Variants in PRKCE observed in about 807,000 individuals in gnomAD.
The protein encoded by PRKCE is protein kinase C epsilon.
PRKCE carries 16 observed loss-of-function variants against 85.4 expected under a neutral mutation model. The ratio of observed to expected loss-of-function variants is 0.19; its 90% CI spans 0.13 to 0.28. PRKCE has a LOEUF of 0.28. Ranked by LOEUF, PRKCE falls within the 10% of genes least tolerant of loss-of-function variation. The pLI, the probability that PRKCE is intolerant of heterozygous loss-of-function variation, is 1.00. For synonymous variants in PRKCE, 388 were observed against 371.5 expected (o/e 1.04, Z -0.51); for missense variants, 573 against 975.2 (o/e 0.59, Z 5.49).
chr2:45,870,715 T>A (rs924062256), intron 2 of PRKCE, among the ~76,000 whole-genome samples: 25 of 152,220 alleles, frequency 1.6e-4, no homozygotes, highest in African/African-American at 5.8e-4. Flanking sequence ...CCAGTTTCTA[T>A]CGGTTACCTT....
At chr2:45,728,218 G>A (rs929299556) in intron 1 of PRKCE, among the ~76,000 whole-genome samples, 1 of 152,228 alleles carries the variant, frequency 6.6e-6, no homozygotes, top group Non-Finnish European at 1.5e-5. Flanking sequence ...ATTAAGGGTA[G>A]TATCTGTTTT....
intron 6 of PRKCE, among the ~76,000 whole-genome samples, chr2:45,995,826 C>G (rs1244358613): frequency 6.6e-6 from 1 of 152,070 alleles, no homozygotes; most frequent in African/African-American, 2.4e-5. Context: ...TTGTGTTAGC[C>G]TTTTGCTTGG....
chr2:45,723,444 G>A (rs1680791462), intron 1 of PRKCE, among the ~76,000 whole-genome samples: 1 of 152,162 alleles, frequency 6.6e-6, no homozygotes, highest in Admixed American at 6.5e-5. Flanking sequence ...CTGGACATTA[G>A]GTTAAGTGTG....
At chr2:46,037,068 T>C (rs1315943721) in intron 10 of PRKCE, among the ~76,000 whole-genome samples, 1 of 152,156 alleles carries the variant, frequency 6.6e-6, no homozygotes, top group African/African-American at 2.4e-5. Flanking sequence ...ACACTTGGGT[T>C]CAGCCCCTTC....
intron 14 of PRKCE, among the ~76,000 whole-genome samples, chr2:46,182,259 C>T (rs1680056158): frequency 6.6e-6 from 1 of 152,146 alleles, no homozygotes; most frequent in Non-Finnish European, 1.5e-5. Flanking sequence ...GTCAGTGAAT[C>T]CCTCCCCCTT....
At chr2:46,034,139 G>A (rs780382853) in intron 10 of PRKCE, among the ~76,000 whole-genome samples, 4 of 152,272 alleles carry the variant, frequency 2.6e-5, no homozygotes, top group South Asian at 2.1e-4. Context: ...ATGTCTTGGG[G>A]CATCCCAAGA....
chr2:46,028,068 A>C (rs1035414235), intron 10 of PRKCE, among the ~76,000 whole-genome samples: 8 of 151,666 alleles, frequency 5.3e-5, no homozygotes, highest in Non-Finnish European at 8.8e-5. Flanking sequence ...CAGCCTCCCG[A>C]GTAGCTGGGA....
At chr2:45,702,619 T>A (rs1193971827) in intron 1 of PRKCE, among the ~76,000 whole-genome samples, 1 of 152,246 alleles carries the variant, frequency 6.6e-6, no homozygotes, top group Non-Finnish European at 1.5e-5. Context: ...GAATAACTAT[T>A]GATTGAGATT....
intron 9 of PRKCE, 94 bp from the exon 10 acceptor site, chr2:46,010,250 C>A: frequency 7.5e-7 from 1 of 1,331,744 alleles, no homozygotes; most frequent in Non-Finnish European, 1.0e-6. Flanking sequence ...AAAGAAAAAA[C>A]AGAATTCGTT....
At chr2:45,890,924 T>A (rs373346526) in intron 2 of PRKCE, among the ~76,000 whole-genome samples, 1 of 152,298 alleles carries the variant, frequency 6.6e-6, no homozygotes. Flanking sequence ...CATGGTCTAG[T>A]TGGACCTTGG....
At chr2:46,117,565 T>G (rs1005085570) in intron 11 of PRKCE, among the ~76,000 whole-genome samples, 6 of 152,172 alleles carry the variant, frequency 3.9e-5, no homozygotes, top group Non-Finnish European at 7.3e-5. Flanking sequence ...CCAAGCTGGG[T>G]GATTACTCAC....
Position 45,749,364 on chromosome 2 carries a change from T to C in PRKCE, c.349-93636T>C, listed in dbSNP as rs529066047. Among the ~76,000 whole-genome samples the C allele has an allele frequency of 3.9e-5, 6 of 152,334 alleles. No homozygotes were observed. In the South Asian group the frequency reaches 6.2e-4, roughly 16 times the overall value. Reference sequence around the variant, plus strand: ...GCTGAGAGATGTGATCTTCAGCTCATACGTTATTCTAGCTCCTGGGCCTCA... The same window carrying C: ...GCTGAGAGATGTGATCTTCAGCTCACACGTTATTCTAGCTCCTGGGCCTCA... On this transcript the variant is annotated intron_variant, in intron 1 of 14. Transcript: ENST00000306156.
chr2:45,731,258 A>C (rs1681548464), intron 1 of PRKCE, among the ~76,000 whole-genome samples: 1 of 152,136 alleles, frequency 6.6e-6, no homozygotes, highest in African/African-American at 2.4e-5. Context: ...GCCTATGACA[A>C]CTCAGCCTCT....
chr2:45,677,436 A>C (rs1355989226), intron 1 of PRKCE, among the ~76,000 whole-genome samples: 2 of 148,598 alleles, frequency 1.3e-5, no homozygotes, highest in Non-Finnish European at 3.0e-5. Flanking sequence ...AGCTCACTGC[A>C]AGCTCCGCTT....
chr2:45,826,778 C>T (rs1689974146), intron 1 of PRKCE, among the ~76,000 whole-genome samples: 1 of 152,158 alleles, frequency 6.6e-6, no homozygotes, highest in Non-Finnish European at 1.5e-5. Context: ...CCATGCAATC[C>T]CTGCCTCCCC....
rs191571496 is a variant in PRKCE, at chr2:46,160,119, A to G, written c.2067+367A>G. On this transcript the variant is annotated intron_variant, in intron 14 of 14. Coordinates refer to ENST00000306156, the MANE Select transcript of PRKCE (RefSeq NM_005400.3). ...ACTGGGTTTGTTTTCTAAATGGGTC[A>G]GTTTAAAGGAAAATATTAACTAAAT... is the stretch of plus-strand genomic sequence containing the variant. 134 of 228,978 alleles carry G rather than the reference A, an allele frequency of 5.9e-4. 2 individuals carry two copies. Among genetic ancestry groups the G allele is most frequent in the African/African-American group, 3.0e-3 (129 of 42,356 alleles). 14.2% of individuals were successfully genotyped at this position (228,978 alleles called of 1,614,324 possible).
chr2:45,755,492 G>A (rs1683929603), intron 1 of PRKCE, among the ~76,000 whole-genome samples: 1 of 152,200 alleles, frequency 6.6e-6, no homozygotes, highest in African/African-American at 2.4e-5. Context: ...AATGGCTGCT[G>A]TTTTGCTGAG....
At chr2:45,977,631 T>C (rs1430763871) in intron 3 of PRKCE, among the ~76,000 whole-genome samples, 1 of 141,722 alleles carries the variant, frequency 7.1e-6, no homozygotes, top group Non-Finnish European at 1.6e-5. Context: ...AGAGTGAGAC[T>C]CTGTCTTAAA....
intron 11 of PRKCE, among the ~76,000 whole-genome samples, chr2:46,100,789 A>T (rs1470101306): frequency 1.3e-5 from 2 of 152,246 alleles, no homozygotes. Context: ...CTAAGATGCC[A>T]TGACAAGGAA....
Sources: allele counts gnomAD v4.1 joint callset (sites outside exome capture counted in the v4.1 genomes callset), GRCh38; gene constraint gnomAD v4.1.1; transcripts MANE v1.5; gene names NCBI Gene and HGNC (gene_info 2026-07-23, HGNC 2026-07-21).